ARMC2: variants seen among roughly 807,000 people sequenced by gnomAD.
ARMC2 encodes armadillo repeat containing 2.
Under a neutral mutation model 90.3 loss-of-function variants are expected in ARMC2, and 67 were observed. The ratio of observed to expected loss-of-function variants is 0.74; its 90% confidence interval spans 0.61 to 0.91. The LOEUF (loss-of-function observed/expected upper bound fraction) is 0.91. Ranked by LOEUF, ARMC2 falls within the 40% of genes least tolerant of loss-of-function variation. The probability of loss-of-function intolerance (pLI) is 0.00; values close to 1 mark genes in which losing one functional copy is unlikely to be tolerated. For synonymous variants in ARMC2, 393 were observed against 393.0 expected (o/e 1.00, Z 0.00); for missense variants, 920 against 1,030.9 (o/e 0.89, Z 1.47).
At chr6:108,994,607 T>C in the ARMC2 span, 1 of 1,607,978 alleles carries the variant, frequency 6.2e-7, no homozygotes, top group Non-Finnish European at 8.5e-7. Flanking sequence ...AAGAATCACT[T>C]ACCTGAAGAA....
the ARMC2 span, among the ~76,000 whole-genome samples, chr6:108,995,544 T>C: frequency 6.6e-6 from 1 of 152,216 alleles, no homozygotes; most frequent in African/African-American, 2.4e-5. Flanking sequence ...CTGGTTATAC[T>C]TCTATACCCT....
chr6:108,896,884 A>C (rs947921000), intron 6 of ARMC2, among the ~76,000 whole-genome samples: 2 of 152,166 alleles, frequency 1.3e-5, no homozygotes, highest in African/African-American at 2.4e-5. Flanking sequence ...TGTGTTATAA[A>C]TATGTATCAA....
intron 5 of ARMC2, among the ~76,000 whole-genome samples, chr6:108,881,047 G>A (rs1481418138): frequency 1.3e-5 from 2 of 151,686 alleles, no homozygotes; most frequent in Non-Finnish European, 2.9e-5. Context: ...GTAGAGATGG[G>A]GTTTCACCAT....
chr6:109,006,980 T>A, the ARMC2 span, among the ~76,000 whole-genome samples: 1 of 152,220 alleles, frequency 6.6e-6, no homozygotes, highest in Non-Finnish European at 1.5e-5. Context: ...CAAATGGCCT[T>A]GTTGAAAAGC....
intron 8 of ARMC2, among the ~76,000 whole-genome samples, chr6:108,909,598 C>T (rs543366194): frequency 2.6e-4 from 40 of 152,170 alleles, no homozygotes; most frequent in African/African-American, 8.4e-4. Context: ...TGCAGTGGCG[C>T]GATCTCGGCT....
In ARMC2 at chr6:108,937,793, C is replaced by T. The variant is rs545555656; in HGVS notation, c.1596+794C>T. 3.9e-5 allele frequency among the ~76,000 whole-genome samples: 6 copies of T among 152,244 alleles called. No homozygotes were observed. In the East Asian group the frequency reaches 1.2e-3, roughly 29 times the overall value. ...CACTGCAAGCTCCACCTCCTGGGTT[C>T]ACGCCATTCTGCCCCCTCAGCCTCC... On this transcript the variant is annotated intron_variant, in intron 12 of 17. Coordinates refer to ENST00000392644, the MANE Select transcript of ARMC2 (RefSeq NM_032131.6).
At chr6:108,894,206 A>C (rs761754184) in intron 5 of ARMC2, among the ~76,000 whole-genome samples, 4 of 152,120 alleles carry the variant, frequency 2.6e-5, no homozygotes, top group Non-Finnish European at 5.9e-5. Flanking sequence ...TCTACAAAAT[A>C]TTTTTTAAAA....
At chr6:108,885,356 T>A (rs975299839) in intron 5 of ARMC2, among the ~76,000 whole-genome samples, 15 of 152,144 alleles carry the variant, frequency 9.9e-5, no homozygotes, top group African/African-American at 3.6e-4. Flanking sequence ...TCCTTTAATT[T>A]CAAGTGTTTG....
chr6:109,041,098 T>G, the ARMC2 span, among the ~76,000 whole-genome samples: 1 of 151,074 alleles, frequency 6.6e-6, no homozygotes, highest in African/African-American at 2.4e-5. Flanking sequence ...CCCAGGAGTT[T>G]GAGATCAGCC....
At chr6:108,972,750 A>G (rs369070180) in intron 17 of ARMC2, among the ~76,000 whole-genome samples, 19 of 152,076 alleles carry the variant, frequency 1.2e-4, no homozygotes, top group African/African-American at 3.4e-4. Flanking sequence ...TGCAGCCTCA[A>G]TGTCCCGTGC....
intron 12 of ARMC2, among the ~76,000 whole-genome samples, chr6:108,950,886 T>A (rs1341447498): frequency 6.6e-6 from 1 of 152,222 alleles, no homozygotes; most frequent in Non-Finnish European, 1.5e-5. Flanking sequence ...TCTTTCATGA[T>A]AACTCTGCTG....
chr6:108,890,660 G>C (rs1201427663), intron 5 of ARMC2, among the ~76,000 whole-genome samples: 1 of 152,188 alleles, frequency 6.6e-6, no homozygotes, highest in Non-Finnish European at 1.5e-5. Context: ...AACTCAGGCA[G>C]CTTGGCTTCA....
the ARMC2 span, among the ~76,000 whole-genome samples, chr6:109,013,367 G>A: frequency 6.6e-6 from 1 of 152,224 alleles, no homozygotes; most frequent in Non-Finnish European, 1.5e-5. Flanking sequence ...GAAGATGACA[G>A]TGGATTCTGT....
At chr6:109,024,617 T>G in the ARMC2 span, among the ~76,000 whole-genome samples, 1 of 152,148 alleles carries the variant, frequency 6.6e-6, no homozygotes, top group Admixed American at 6.5e-5. Context: ...AAGTAAAAAA[T>G]GCATTTAATA....
At chr6:108,855,776 T>C (rs1774524144) in intron 2 of ARMC2, among the ~76,000 whole-genome samples, 1 of 152,222 alleles carries the variant, frequency 6.6e-6, no homozygotes, top group Non-Finnish European at 1.5e-5. Flanking sequence ...TGTAGTGGTA[T>C]CTCATTGTTT....
At position 108,953,191 on chromosome 6, in the gene ARMC2, C is replaced by T; in HGVS notation, c.1755C>T (p.Gly585=). Residue 585 remains glycine (G), a synonymous_variant, in exon 13 of 18, where the codon GGC becomes GGT. Transcript: ENST00000392644. ...ATCTGCATTCCCAGAAGCCGGTGGG[C>T]CAACGAGGCGAGCAGCACAGGGCGC... ...QLDLHSQKPV[G]QRGEQHRAQR... 6.2e-7 allele frequency: 1 copy of T among 1,614,030 alleles called. No individual in the cohort carries two copies. The highest frequency in any genetic ancestry group is 8.5e-7 in the Non-Finnish European group (1 of 1,179,912).
chr6:109,052,812 T>A, the ARMC2 span, among the ~76,000 whole-genome samples: 1 of 152,010 alleles, frequency 6.6e-6, no homozygotes, highest in Non-Finnish European at 1.5e-5. Context: ...CTTTAGTTCA[T>A]TCATTTGTCC....
In ARMC2 at chr6:108,912,577, A is replaced by G. The variant is rs765445594; in HGVS notation, c.1350+19A>G. The G allele has an allele frequency of 6.3e-6, 10 of 1,587,552 alleles. No homozygotes were observed. The Middle Eastern group carries it at 6.8e-4, about 108-fold the overall frequency. On this transcript the variant is annotated intron_variant, in intron 10 of 17. Transcript: ENST00000392644. ...AGTCCAGGTAAGTATTTTACTTGAA[A>G]ACGTTAGATGTGTAAAATTAGTTTT...
At chr6:108,890,154 C>T (rs1218265670) in intron 5 of ARMC2, among the ~76,000 whole-genome samples, 2 of 127,692 alleles carry the variant, frequency 1.6e-5, no homozygotes, top group East Asian at 5.2e-4. Context: ...CCCGCCACTG[C>T]ACTCCAGCCT....
Sources: gnomAD v4.1 joint callset for allele counts (sites outside exome capture counted in the v4.1 genomes callset) on GRCh38, gnomAD v4.1.1 for gene constraint, MANE v1.5 for transcripts, NCBI Gene and HGNC (gene_info 2026-07-23, HGNC 2026-07-21) for gene names.